The following PITPNC1 variants were observed in gnomAD, a reference collection of about 807,000 sequenced individuals.
PITPNC1 encodes the protein phosphatidylinositol transfer protein cytoplasmic 1.
In PITPNC1, 18 loss-of-function variants were observed where a neutral mutation model predicts 44.7. The observed-to-expected ratio is 0.40, with a 90% CI of 0.28 to 0.60. The LOEUF (loss-of-function observed/expected upper bound fraction) is 0.60, where lower values mean the gene tolerates loss of function less well. PITPNC1 is among the 20% of genes least tolerant of loss of function. The probability of loss-of-function intolerance (pLI) is 0.39; values close to 1 mark genes in which losing one functional copy is unlikely to be tolerated. For missense variants in PITPNC1, 290 were observed against 418.4 expected, an observed-to-expected ratio of 0.69 and a Z score of 2.68; for synonymous variants, 141 against 149.6, an observed-to-expected ratio of 0.94 and a Z score of 0.42.
intron 1 of PITPNC1, among the ~76,000 whole-genome samples, chr17:67,474,581 G>A (rs562138104): frequency 2.0e-5 from 3 of 152,130 alleles, no homozygotes; most frequent in Non-Finnish European, 4.4e-5. Context: ...TGTGCCCTGG[G>A]GAGCAAAATC....
chr17:67,563,348 A>T (rs534708969), intron 4 of PITPNC1, among the ~76,000 whole-genome samples: 1 of 152,338 alleles, frequency 6.6e-6, no homozygotes, highest in South Asian at 2.1e-4. Flanking sequence ...CAAGAGAAGA[A>T]TGCATTGAAT....
At chr17:67,622,925 A>G (rs550853586) in intron 5 of PITPNC1, among the ~76,000 whole-genome samples, 48 of 152,048 alleles carry the variant, frequency 3.2e-4, no homozygotes, top group Admixed American at 6.6e-5. Context: ...CCATATGCTT[A>G]AAGTATTAAC....
rs180923123 is a variant in PITPNC1, at chr17:67,410,349, A to G, written c.48+32147A>G. Reference sequence around the variant, plus strand: ...TTTACATTTTAAAATATTAATGTGGACCTTAAACAGGTCTTTGGCTGGTTG... The same window carrying G: ...TTTACATTTTAAAATATTAATGTGGGCCTTAAACAGGTCTTTGGCTGGTTG... On this transcript the variant is annotated intron_variant, in intron 1 of 8. Coordinates refer to ENST00000581322, the MANE Select transcript of PITPNC1 (RefSeq NM_012417.4). 2.9e-3 allele frequency among the ~76,000 whole-genome samples: 446 copies of G among 152,186 alleles called. 2 individuals are homozygous for G. The highest frequency in any genetic ancestry group is 0.01 in the African/African-American group (431 of 41,534).
intron 2 of PITPNC1, among the ~76,000 whole-genome samples, chr17:67,543,768 T>C (rs564219010): frequency 7.2e-5 from 11 of 152,330 alleles, no homozygotes; most frequent in African/African-American, 2.2e-4. Context: ...ATACTGTTGA[T>C]ATATAGTACA....
intron 6 of PITPNC1, among the ~76,000 whole-genome samples, chr17:67,643,316 G>C (rs1035789929): frequency 1.3e-5 from 2 of 152,188 alleles, no homozygotes; most frequent in African/African-American, 4.8e-5. Flanking sequence ...AATCCGGGAG[G>C]CGGAGGTGGC....
chr17:67,641,887 C>T (rs2042097442), intron 6 of PITPNC1, among the ~76,000 whole-genome samples: 1 of 151,640 alleles, frequency 6.6e-6, no homozygotes, highest in Non-Finnish European at 1.5e-5. Context: ...AGGGTGTTTC[C>T]ATTCTTATTA....
chr17:67,462,225 C>CTTTTTTTTTTTTTTT (rs549707875), intron 1 of PITPNC1, among the ~76,000 whole-genome samples: 159 of 71,250 alleles, frequency 2.2e-3, no homozygotes, highest in African/African-American at 2.7e-3. Flanking sequence ...TTCTTTCTTT[C>CTTTTTTTTTTTTTTT]TTTTTTTTTT....
intron 7 of PITPNC1, among the ~76,000 whole-genome samples, chr17:67,672,454 C>T (rs2042531204): frequency 6.6e-6 from 1 of 151,564 alleles, no homozygotes; most frequent in Non-Finnish European, 1.5e-5. Context: ...CAAAAATTAG[C>T]TGGGCGTGGT....
At chr17:67,438,313 CTTTTTTT>C (rs1245707226) in intron 1 of PITPNC1, among the ~76,000 whole-genome samples, 2 of 130,452 alleles carry the variant, frequency 1.5e-5, no homozygotes, top group Admixed American at 1.6e-4. Flanking sequence ...TTCTAAGTGA[CTTTTTTT>C]TTTTTTTTTT....
chr17:67,425,797 G>A (rs1209980636), intron 1 of PITPNC1, among the ~76,000 whole-genome samples: 1 of 152,054 alleles, frequency 6.6e-6, no homozygotes, highest in Non-Finnish European at 1.5e-5. Context: ...CCAGAGTGCT[G>A]GGATTACAGG....
chr17:67,632,465 T>C (rs1228482706), intron 6 of PITPNC1: 59 of 553,500 alleles, frequency 1.1e-4, no homozygotes, highest in Non-Finnish European at 1.9e-4. Context: ...TTTTCCTGTC[T>C]CCCAACTCTG....
chr17:67,445,818 T>G (rs918168829), intron 1 of PITPNC1, among the ~76,000 whole-genome samples: 22 of 152,126 alleles, frequency 1.4e-4, no homozygotes, highest in Admixed American at 1.4e-3. Context: ...GGAAGCTGCC[T>G]TCTGATGCAA....
At chr17:67,555,136 C>A (rs1040129758) in intron 4 of PITPNC1, among the ~76,000 whole-genome samples, 1 of 152,106 alleles carries the variant, frequency 6.6e-6, no homozygotes. Context: ...GCAGGGGAAC[C>A]TTTGCTCTAG....
chr17:67,681,447 T>C (rs2042703497), intron 8 of PITPNC1, among the ~76,000 whole-genome samples: 1 of 151,600 alleles, frequency 6.6e-6, no homozygotes, highest in Non-Finnish European at 1.5e-5. Flanking sequence ...ACCCCATCTC[T>C]ACAAAAATTA....
At chr17:67,593,922 G>A (rs1263999995) in intron 5 of PITPNC1, among the ~76,000 whole-genome samples, 1 of 152,162 alleles carries the variant, frequency 6.6e-6, no homozygotes, top group Non-Finnish European at 1.5e-5. Context: ...GCACAGCTTT[G>A]CTGTTTATTT....
chr17:67,391,060 C>T (rs954109812), intron 1 of PITPNC1, among the ~76,000 whole-genome samples: 2 of 146,798 alleles, frequency 1.4e-5, no homozygotes, highest in African/African-American at 5.1e-5. Flanking sequence ...ACTTTTTTAG[C>T]GTGTGTGTGT....
chr17:67,628,285 C>T (rs1212312295), intron 5 of PITPNC1, among the ~76,000 whole-genome samples: 1 of 152,106 alleles, frequency 6.6e-6, no homozygotes, highest in Non-Finnish European at 1.5e-5. Flanking sequence ...GTCTGTCTCT[C>T]CTACTAGATG....
chr17:67,441,120 G>C (rs758491930), intron 1 of PITPNC1, among the ~76,000 whole-genome samples: 1 of 152,050 alleles, frequency 6.6e-6, no homozygotes, highest in Non-Finnish European at 1.5e-5. Context: ...TCAAACATCC[G>C]CTCAACTGCT....
At chr17:67,577,004 G>A (rs914205796) in intron 4 of PITPNC1, among the ~76,000 whole-genome samples, 6 of 152,132 alleles carry the variant, frequency 3.9e-5, no homozygotes, top group African/African-American at 7.2e-5. Context: ...GGTCTCGCCC[G>A]GATGCAGTGG....
Sources: gnomAD v4.1 joint callset for allele counts (sites outside exome capture counted in the v4.1 genomes callset) on GRCh38, gnomAD v4.1.1 for gene constraint, MANE v1.5 for transcripts, NCBI Gene and HGNC (gene_info 2026-07-23, HGNC 2026-07-21) for gene names.